The following ZCCHC17 variants were observed in gnomAD, a reference collection of about 807,000 sequenced individuals.
ZCCHC17 encodes the protein zinc finger CCHC domain-containing protein 17.
In ZCCHC17, 18 loss-of-function variants were observed where a neutral mutation model predicts 30.6. The observed-to-expected ratio is 0.59, with a 90% CI of 0.41 to 0.87. ZCCHC17 has a LOEUF of 0.87. Ranked by LOEUF, ZCCHC17 falls within the 40% of genes least tolerant of loss-of-function variation. The pLI, the probability that ZCCHC17 is intolerant of heterozygous loss-of-function variation, is 0.00. For synonymous variants in ZCCHC17, 88 were observed against 92.4 expected, an observed-to-expected ratio of 0.95 and a Z score of 0.27; for missense variants, 263 against 284.2, an observed-to-expected ratio of 0.93 and a Z score of 0.54.
At chr1:31,298,014 C>A (rs1411421991) in intron 1 of ZCCHC17, among the ~76,000 whole-genome samples, 2 of 152,184 alleles carry the variant, frequency 1.3e-5, no homozygotes, top group Non-Finnish European at 2.9e-5. Flanking sequence ...CCGTCTTCCC[C>A]CAGTGGGGTG....
intron 7 of ZCCHC17, among the ~76,000 whole-genome samples, chr1:31,353,343 G>A (rs1268424876): frequency 6.6e-6 from 1 of 152,040 alleles, no homozygotes; most frequent in African/African-American, 2.4e-5. Context: ...TCTGTTGATA[G>A]TGTCCCTTTT....
chr1:31,337,023 G>A (rs1467238862), intron 3 of ZCCHC17, 152 bp from the exon 4 acceptor site: 1 of 603,966 alleles, frequency 1.7e-6, no homozygotes. Context: ...GGTATAAAAA[G>A]CAGTCTCAAT....
At chr1:31,322,185 A>G (rs1340892398) in intron 3 of ZCCHC17, among the ~76,000 whole-genome samples, 1 of 152,206 alleles carries the variant, frequency 6.6e-6, no homozygotes, top group Non-Finnish European at 1.5e-5. Context: ...CTGATTCTCT[A>G]ACATCAACTG....
intron 1 of ZCCHC17, among the ~76,000 whole-genome samples, chr1:31,304,214 T>G (rs1271983480): frequency 6.6e-6 from 1 of 152,214 alleles, no homozygotes; most frequent in African/African-American, 2.4e-5. Context: ...ACTGGCTCTT[T>G]TAAGTGTATG....
intron 1 of ZCCHC17, among the ~76,000 whole-genome samples, chr1:31,299,080 G>A (rs146342324): frequency 6.6e-6 from 1 of 152,326 alleles, no homozygotes; most frequent in African/African-American, 2.4e-5. Context: ...TTGTTGGTGT[G>A]ATTGGGCCAA....
chr1:31,341,390 G>A (rs1639042311), intron 5 of ZCCHC17, among the ~76,000 whole-genome samples: 1 of 152,080 alleles, frequency 6.6e-6, no homozygotes, highest in Admixed American at 6.6e-5. Flanking sequence ...ATGCTATATG[G>A]ACTCATTAAA....
chr1:31,297,985 C>T (rs1163429876), intron 1 of ZCCHC17, among the ~76,000 whole-genome samples: 2 of 152,180 alleles, frequency 1.3e-5, no homozygotes, highest in Non-Finnish European at 2.9e-5. Context: ...TATTTTAAAA[C>T]GGATGAGATA....
At chr1:31,318,346 G>A (rs112017174) in intron 2 of ZCCHC17, 436 of 873,286 alleles carry the variant, frequency 5.0e-4, no homozygotes, top group Non-Finnish European at 6.9e-4. Context: ...GTAGGCTACA[G>A]GGGGAAGAGA....
In ZCCHC17 at chr1:31,346,574, T is replaced by TTG. The variant is rs1454551530; in HGVS notation, c.318-65_318-64insGT. Reference sequence around the variant, plus strand: ...AAAAACAAAAAACCAACATACAACCTTACCTTGTAGTATCTCTGGCCATAT... The same window carrying TTG: ...AAAAACAAAAAACCAACATACAACCTTGTACCTTGTAGTATCTCTGGCCATAT... On this transcript the variant is annotated intron_variant, in intron 5 of 7. Transcript: ENST00000344147. 4.0e-4 allele frequency: 601 copies of TTG among 1,502,808 alleles called. 2 individuals are homozygous for TTG. Among genetic ancestry groups the TTG allele is most frequent in the Middle Eastern group, 2.5e-3 (12 of 4,856 alleles). The allele number at this position is 1,502,808 out of a possible 1,614,324, so 93.1% of individuals were successfully genotyped here.
chr1:31,337,403 T>A, intron 4 of ZCCHC17, 128 bp downstream of exon 4: 1 of 780,332 alleles, frequency 1.3e-6, no homozygotes, highest in South Asian at 1.8e-5. Context: ...AATCCTGCCA[T>A]TAGAATCTAT....
At chr1:31,303,633 C>T (rs571696446) in intron 1 of ZCCHC17, among the ~76,000 whole-genome samples, 12 of 152,200 alleles carry the variant, frequency 7.9e-5, no homozygotes, top group African/African-American at 2.9e-4. Context: ...GTTTTTTTCC[C>T]AGTTGCATGT....
chr1:31,331,170 C>T (rs1032503779), intron 3 of ZCCHC17, among the ~76,000 whole-genome samples: 4 of 151,348 alleles, frequency 2.6e-5, no homozygotes, highest in African/African-American at 9.7e-5. Flanking sequence ...GAGACGGAGT[C>T]TTGCTCTGTC....
intron 1 of ZCCHC17, among the ~76,000 whole-genome samples, chr1:31,303,770 A>G (rs1313480069): frequency 1.3e-5 from 2 of 152,140 alleles, no homozygotes; most frequent in Admixed American, 6.5e-5. Context: ...TTTTTTTCCT[A>G]CAAACAAGGA....
chr1:31,342,730 C>T (rs1172809091), intron 5 of ZCCHC17, among the ~76,000 whole-genome samples: 2 of 152,184 alleles, frequency 1.3e-5, no homozygotes, highest in Non-Finnish European at 2.9e-5. Flanking sequence ...GGACCAGTAG[C>T]AGTCTGTGGC....
intron 5 of ZCCHC17, 95 bp downstream of exon 5, chr1:31,339,143 T>C (rs1638936362): frequency 1.1e-6 from 1 of 870,758 alleles, no homozygotes; most frequent in Non-Finnish European, 1.8e-6. Context: ...CTACCATTTA[T>C]GGACTTTGTG....
intron 7 of ZCCHC17, among the ~76,000 whole-genome samples, chr1:31,357,751 A>T (rs1192616075): frequency 1.4e-5 from 2 of 146,788 alleles, no homozygotes; most frequent in Non-Finnish European, 3.0e-5. Flanking sequence ...TGGTAAGGCC[A>T]GGCCTTTCTT....
chr1:31,340,873 A>G (rs927507289), intron 5 of ZCCHC17, among the ~76,000 whole-genome samples: 1 of 152,236 alleles, frequency 6.6e-6, no homozygotes, highest in Admixed American at 6.5e-5. Flanking sequence ...AGTTCTGAGC[A>G]AAATCACTTT....
intron 7 of ZCCHC17, among the ~76,000 whole-genome samples, chr1:31,362,705 T>G (rs1018420924): frequency 6.6e-6 from 1 of 152,226 alleles, no homozygotes. Flanking sequence ...GAAACCAGAA[T>G]AGCAGTCAGG....
chr1:31,329,543 G>A (rs183630873), intron 3 of ZCCHC17, among the ~76,000 whole-genome samples: 1 of 152,010 alleles, frequency 6.6e-6, no homozygotes, highest in Admixed American at 6.5e-5. Context: ...GGAACACAGA[G>A]GTAAGAGAAA....
Sources: allele counts gnomAD v4.1 joint callset (sites outside exome capture counted in the v4.1 genomes callset), GRCh38; gene constraint gnomAD v4.1.1; transcripts MANE v1.5; gene names NCBI Gene and HGNC (gene_info 2026-07-23, HGNC 2026-07-21).